Variants in TBC1D30 observed in about 807,000 individuals in gnomAD.
TBC1D30 encodes the protein TBC1 domain family, member 30.
A neutral mutation model predicts 63.2 loss-of-function variants in TBC1D30; 31 were observed. The ratio of observed to expected loss-of-function variants is 0.49; its 90% CI spans 0.37 to 0.66. The LOEUF (loss-of-function observed/expected upper bound fraction) is 0.66, where lower values mean the gene tolerates loss of function less well. Ranked by LOEUF, TBC1D30 falls within the 30% of genes least tolerant of loss-of-function variation. The pLI is 0.00. For synonymous variants in TBC1D30, 307 were observed against 361.5 expected (o/e 0.85, Z 1.71); for missense variants, 810 against 953.6 (o/e 0.85, Z 1.98).
chr12:64,824,602 G>A (rs967041337), upstream of TBC1D30: 9 of 338,056 alleles, frequency 2.7e-5, no homozygotes, highest in Non-Finnish European at 3.7e-5. Context: ...GCGCTCGCTC[G>A]CTCGCTCGCT....
intron 10 of TBC1D30, among the ~76,000 whole-genome samples, chr12:64,869,621 A>AT (rs899051933): frequency 3.3e-5 from 5 of 149,584 alleles, no homozygotes; most frequent in African/African-American, 4.9e-5. Context: ...TCTATGTTTC[A>AT]TTTTTTTTTC....
At chr12:64,796,260 A>G in intron 2 of TBC1D30, among the ~76,000 whole-genome samples, 1 of 152,028 alleles carries the variant, frequency 6.6e-6, no homozygotes. Flanking sequence ...GCTACTAGAA[A>G]TTTTTAAAAA....
chr12:64,873,330 C>T (rs920193702), intron 11 of TBC1D30, among the ~76,000 whole-genome samples: 11 of 151,610 alleles, frequency 7.3e-5, no homozygotes, highest in Admixed American at 3.3e-4. Flanking sequence ...CTGAAGGGAG[C>T]GAGAAAGGGA....
upstream of TBC1D30, among the ~76,000 whole-genome samples, chr12:64,821,360 C>T (rs1873874848): frequency 6.6e-6 from 1 of 152,210 alleles, no homozygotes; most frequent in African/African-American, 2.4e-5. Flanking sequence ...GTCACAGCCC[C>T]AGGGGCAGGA....
intron 8 of TBC1D30, among the ~76,000 whole-genome samples, chr12:64,850,000 T>C (rs1876727502): frequency 6.6e-6 from 1 of 152,164 alleles, no homozygotes; most frequent in South Asian, 2.1e-4. Flanking sequence ...CCCTTGTAAG[T>C]TGTATTTCTA....
upstream of TBC1D30, among the ~76,000 whole-genome samples, chr12:64,778,584 TCTCA>T (rs907452534): frequency 3.9e-5 from 5 of 128,762 alleles, no homozygotes; most frequent in South Asian, 5.1e-4. Flanking sequence ...TAAGATGGAG[TCTCA>T]CTCAGTCACC....
In TBC1D30 at chr12:64,876,093, C is replaced by T. The variant is rs547038684; in HGVS notation, c.*305C>T. On this transcript the variant is annotated 3_prime_UTR_variant, in exon 12 of 12. Transcript: ENST00000539867. ...AAAAAGACTATATCTAGATTGTTAA[C>T]TCTCGTCCATCCTTCTGTTCTGGGG... is the stretch of plus-strand genomic sequence containing the variant. 5.8e-4 allele frequency: 161 copies of T among 278,476 alleles called. No individual in the cohort carries two copies. The highest frequency in any genetic ancestry group is 2.5e-3 in the South Asian group (36 of 14,506). 17.3% of individuals were successfully genotyped at this position (278,476 alleles called of 1,614,324 possible).
intron 1 of TBC1D30, among the ~76,000 whole-genome samples, chr12:64,763,483 C>T (rs1870592853): frequency 6.6e-6 from 1 of 152,048 alleles, no homozygotes; most frequent in African/African-American, 2.4e-5. Flanking sequence ...TTATTCTCTT[C>T]CTCTTAATGA....
chr12:64,815,334 A>G (rs1873458130), intron 2 of TBC1D30, among the ~76,000 whole-genome samples: 1 of 152,214 alleles, frequency 6.6e-6, no homozygotes, highest in Non-Finnish European at 1.5e-5. Flanking sequence ...TGCCTTGAAA[A>G]TAAGTTTCAT....
exon 1 of TBC1D30, chr12:64,759,591 C>A: frequency 2.5e-6 from 1 of 401,520 alleles, no homozygotes; most frequent in Middle Eastern, 6.7e-4. Flanking sequence ...GGGCGGAGAA[C>A]CGGAGAAAAG....
In TBC1D30 at chr12:64,878,208, T is replaced by C. The variant is rs920593184; in HGVS notation, c.*2420T>C. On this transcript the variant is annotated 3_prime_UTR_variant, in exon 12 of 12. Transcript: ENST00000539867. Reference sequence around the variant, plus strand: ...TAAAGCACTCTGTGTACCAATAACATGCATGCATTGTACCAAGTAATCACA... The same window carrying C: ...TAAAGCACTCTGTGTACCAATAACACGCATGCATTGTACCAAGTAATCACA... 1 of 287,806 alleles carries C rather than the reference T, an allele frequency of 3.5e-6. No individual in the cohort carries two copies. Among genetic ancestry groups the C allele is most frequent in the African/African-American group, 2.2e-5 (1 of 46,086 alleles). The allele number at this position is 287,806 out of a possible 1,614,324, so 17.8% of individuals were successfully genotyped here. A position where few individuals can be genotyped will look rare whatever the true frequency, so the allele number is the denominator to read the frequency against.
chr12:64,777,531 C>T (rs1354165096), upstream of TBC1D30, among the ~76,000 whole-genome samples: 1 of 152,098 alleles, frequency 6.6e-6, no homozygotes, highest in East Asian at 1.9e-4. Context: ...AATACAATAC[C>T]CAGTAATACA....
rs36113030 is a variant in TBC1D30, at chr12:64,838,693, G to T, written c.774G>T (p.Glu258Asp). 1.3e-6 allele frequency: 2 copies of T among 1,536,498 alleles called. 1 individual carries two copies. Among genetic ancestry groups the T allele is most frequent in the South Asian group, 2.4e-5 (2 of 84,040 alleles). ...TANKESGGGY[E>D]PPLTNVFTMQ... is the part of the protein sequence containing the mutation. Reference sequence around the variant, plus strand: ...TTTGTTTTATTTCAGGTGGATATGAGCCCCCACTTACAAATGTCTTCACGA... The same window carrying T: ...TTTGTTTTATTTCAGGTGGATATGATCCCCCACTTACAAATGTCTTCACGA... Residue 258 changes from glutamate to aspartate, a missense_variant, in exon 7 of 12, where the codon GAG becomes GAT. Glu to Asp is a conservative substitution (Grantham distance 45, BLOSUM62 2). Around this residue, in one of 4 missense-constraint regions of TBC1D30, gnomAD observed 272 missense variants for 335.9 expected, o/e 0.81. Transcript: ENST00000539867.
intron 2 of TBC1D30, among the ~76,000 whole-genome samples, chr12:64,794,502 A>G (rs895766088): frequency 6.6e-6 from 1 of 152,040 alleles, no homozygotes; most frequent in East Asian, 1.9e-4. Context: ...CAGTGGTGCA[A>G]TCGTGGCTCA....
At chr12:64,781,296 G>T in intron 1 of TBC1D30, 1 of 1,111,578 alleles carries the variant, frequency 9.0e-7, no homozygotes, top group Non-Finnish European at 1.1e-6. Context: ...GGTGAGGGCC[G>T]GGCGCAGCAG....
intron 2 of TBC1D30, chr12:64,787,348 A>G (rs1444641218): frequency 9.1e-6 from 9 of 984,732 alleles, no homozygotes; most frequent in Middle Eastern, 5.2e-4. Flanking sequence ...TGCATTCTTT[A>G]TTAACATGCA....
At chr12:64,763,116 C>T (rs190860317) in intron 1 of TBC1D30, among the ~76,000 whole-genome samples, 16 of 152,040 alleles carry the variant, frequency 1.1e-4, no homozygotes, top group East Asian at 1.9e-4. Context: ...TCACTATGCC[C>T]GGCTAATTTT....
chr12:64,813,475 G>A (rs1432866305), intron 2 of TBC1D30, among the ~76,000 whole-genome samples: 1 of 152,188 alleles, frequency 6.6e-6, no homozygotes, highest in Non-Finnish European at 1.5e-5. Flanking sequence ...AGGAAACTGA[G>A]ACAATGAACT....
intron 10 of TBC1D30, 122 bp downstream of exon 10, chr12:64,867,025 T>C (rs1878278755): frequency 5.3e-6 from 6 of 1,139,466 alleles, no homozygotes; most frequent in South Asian, 3.4e-5. Context: ...TAAAAGTCTT[T>C]ATTAGGCTAG....
Sources: allele counts gnomAD v4.1 joint callset (sites outside exome capture counted in the v4.1 genomes callset), GRCh38; gene constraint gnomAD v4.1.1; regional missense constraint gnomAD v4.1.1; transcripts MANE v1.5; gene names NCBI Gene and HGNC (gene_info 2026-07-23, HGNC 2026-07-21).